The following KCNH2 variants were observed in gnomAD, a reference collection of about 807,000 sequenced individuals.
KCNH2 encodes potassium voltage-gated channel subfamily H member 2, also known as voltage-gated inwardly rectifying potassium channel KCNH2.
KCNH2 carries 35 observed loss-of-function variants against 95.9 expected under a neutral mutation model. The ratio of observed to expected loss-of-function variants is 0.37; its 90% CI spans 0.28 to 0.48. The LOEUF (loss-of-function observed/expected upper bound fraction) is 0.48, where lower values mean the gene tolerates loss of function less well. KCNH2 is among the 20% of genes least tolerant of loss of function. KCNH2 has a pLI of 0.99. For synonymous variants in KCNH2, 786 were observed against 754.7 expected, an observed-to-expected ratio of 1.04 and a Z score of -0.68; for missense variants, 1,274 against 1,702.9, an observed-to-expected ratio of 0.75 and a Z score of 4.43.
rs6948860 is a variant in KCNH2, at chr7:150,947,935, G to A, written c.2693-57C>T. 190,427 of 1,501,454 alleles carry A rather than the reference G, an allele frequency of 0.13. 13,733 individuals carry two copies. The highest frequency in any genetic ancestry group is 0.31 in the African/African-American group (22,088 of 72,176). The allele number at this position is 1,501,454 out of a possible 1,614,324, so 93.0% of individuals were successfully genotyped here. ...GGGAGGAGAACAGAGAGGAGGGGGC[G>A]AGGGTGGAGGAGGGGACAGGAGCGA... On this transcript the variant is annotated intron_variant, in intron 11 of 14. Transcript: ENST00000262186.
intron 8 of KCNH2, among the ~76,000 whole-genome samples, chr7:150,950,716 T>C (rs573441054): frequency 2.6e-5 from 4 of 152,286 alleles, no homozygotes; most frequent in East Asian, 3.9e-4. Flanking sequence ...ATGTGACATA[T>C]ACCTCCCACC....
In KCNH2 at chr7:150,948,481, G is replaced by GCGTTGC; in HGVS notation, c.2649_2654dup (p.Gln884_Arg885dup). On this transcript the variant is annotated inframe_insertion, in exon 11 of 15. Coordinates refer to ENST00000262186, the MANE Select transcript of KCNH2 (RefSeq NM_000238.4). ...GCCTGCGGAAGGACAACTTGCGCTT[G>GCGTTGC]CGTTGCCGACTGAAGCCACCCTCTA... 4.6e-6 allele frequency: 7 copies of GCGTTGC among 1,520,750 alleles called. No individual in the cohort carries two copies. The highest frequency in any genetic ancestry group is 1.4e-5 in the African/African-American group (1 of 70,764). The allele number at this position is 1,520,750 out of a possible 1,614,324, so 94.2% of individuals were successfully genotyped here.
Position 150,951,728 on chromosome 7 carries a change from G to A in KCNH2, c.1665C>T (p.Cys555=), listed in dbSNP as rs1260430590. The A allele has an allele frequency of 6.2e-7, 1 of 1,613,166 alleles. No homozygotes were observed. Among genetic ancestry groups the A allele is most frequent in the Non-Finnish European group, 8.5e-7 (1 of 1,179,118 alleles). Residue 555 remains cysteine, a synonymous_variant, in exon 7 of 15, where the codon TGC becomes TGT. Coordinates refer to ENST00000262186, the MANE Select transcript of KCNH2 (RefSeq NM_000238.4). Reference sequence around the variant, plus strand: ...GCCAGTGCGCGATGAGCGCAAAGGTGCACATGAGCAAGAACAGCACGGCCG... The same window carrying A: ...GCCAGTGCGCGATGAGCGCAAAGGTACACATGAGCAAGAACAGCACGGCCG... The part of the protein sequence containing the change: ...YGAAVLFLLM[C]TFALIAHWLA...
At position 150,977,881 on chromosome 7, in the gene KCNH2, C is replaced by T. The variant is rs1473417269; in HGVS notation, c.33G>A (p.Gln11=). The T allele has an allele frequency of 8.3e-6, 13 of 1,557,316 alleles. No individual in the cohort carries two copies. Among genetic ancestry groups the T allele is most frequent in the Non-Finnish European group, 1.1e-5 (13 of 1,149,638 alleles). The change falls in exon 1 of 15, where the codon CAG becomes CAA. Residue 11 remains glutamine (Q), a synonymous_variant. Transcript: ENST00000262186. MPVRRGHVAP[Q]NTFLDTIIRK... ...GGATGATGGTGTCCAGGAAGGTGTT[C>T]TGCGGCGCGACGTGGCCCCTCCGCA...
At position 150,962,120 on chromosome 7, in the gene KCNH2, A is replaced by G. The variant is rs1006350012; in HGVS notation, c.308-2384T>C. Among the ~76,000 whole-genome samples the G allele has an allele frequency of 2.0e-5, 3 of 152,308 alleles. No homozygotes were observed. In the East Asian group the frequency reaches 5.8e-4, roughly 29 times the overall value. ...ACACAGCAGTGGTGTTGGAAGCTGC[A>G]GGGGGCTGGGCCCAGCTGGAGACCA... On this transcript the variant is annotated intron_variant, in intron 2 of 14. Transcript: ENST00000262186. This position sits in a 1 kb window ranked among gnomAD's most constrained non-coding sequence, Gnocchi z 5.7.
At position 150,947,491 on chromosome 7, in the gene KCNH2, T is replaced by C. The variant is rs1310038652; in HGVS notation, c.2989A>G (p.Ile997Val). 3 of 1,586,682 alleles carry C rather than the reference T, an allele frequency of 1.9e-6. No individual in the cohort carries two copies. The highest frequency in any genetic ancestry group is 1.1e-5 in the South Asian group (1 of 87,332). Reference sequence around the variant, plus strand: ...CGACTGTCCCCCCAGAAGCTGAAAATGTTGGACACTCCTGAGAAGGCGCCT... The same window carrying C: ...CGACTGTCCCCCCAGAAGCTGAAAACGTTGGACACTCCTGAGAAGGCGCCT... ...LSGAFSGVSN[I>V]FSFWGDSRGR... The change falls in exon 13 of 15, where the codon ATT becomes GTT. Residue 997 changes from isoleucine (I) to valine (V), a missense_variant. This residue lies in a region of KCNH2 where 457 missense variants were observed against 416.1 expected (regional missense o/e 1.10). Coordinates refer to ENST00000262186, the MANE Select transcript of KCNH2 (RefSeq NM_000238.4).
In KCNH2 at chr7:150,977,814, CGCTCAGCCCCCT is replaced by C; in HGVS notation, c.76+12_76+23del. The C allele has an allele frequency of 1.4e-6, 2 of 1,409,616 alleles. No homozygotes were observed. Among genetic ancestry groups the C allele is most frequent in the Non-Finnish European group, 2.0e-6 (2 of 1,017,246 alleles). The allele number at this position is 1,409,616 out of a possible 1,614,324, so 87.3% of individuals were successfully genotyped here. A position where few individuals can be genotyped will look rare whatever the true frequency, so the allele number is the denominator to read the frequency against. Reference sequence around the variant, plus strand: ...CGGCCCGCCCCCAGAGCCCCCTCCCCGCTCAGCCCCCTCCCCCACTCACTCTGGCCCTCAAAC... The same window carrying C: ...CGGCCCGCCCCCAGAGCCCCCTCCCCCCCCCACTCACTCTGGCCCTCAAAC... On this transcript the variant is annotated intron_variant, in intron 1 of 14. Transcript: ENST00000262186.
At chr7:150,954,388 C>T (rs1801295045) in intron 5 of KCNH2, among the ~76,000 whole-genome samples, 1 of 152,192 alleles carries the variant, frequency 6.6e-6, no homozygotes. Flanking sequence ...GCGGAGGTGT[C>T]AGGACCACCC....
At chr7:150,951,870 G>C (rs1801187448) in intron 6 of KCNH2, 35 bp from the exon 7 acceptor site, 1 of 1,524,524 alleles carries the variant, frequency 6.6e-7, no homozygotes, top group East Asian at 2.3e-5. Flanking sequence ...TCCGTTGATG[G>C]GGCAAGGGGG....
At chr7:150,958,810 C>G in intron 3 of KCNH2, among the ~76,000 whole-genome samples, 1 of 152,222 alleles carries the variant, frequency 6.6e-6, no homozygotes, top group East Asian at 1.9e-4. Flanking sequence ...ACAAAGGCGT[C>G]ATGTCACTCT....
intron 2 of KCNH2, among the ~76,000 whole-genome samples, chr7:150,970,258 TC>T (rs1180849884): frequency 7.3e-6 from 1 of 136,314 alleles, no homozygotes; most frequent in Admixed American, 8.0e-5. Flanking sequence ...AGGCCCAGTC[TC>T]CCCCCTCACA....
chr7:150,960,485 G>C (rs957026294), intron 2 of KCNH2, among the ~76,000 whole-genome samples: 1 of 152,156 alleles, frequency 6.6e-6, no homozygotes, highest in Non-Finnish European at 1.5e-5. Flanking sequence ...CTGTCTCTCT[G>C]TTCTCTCTAG....
intron 3 of KCNH2, among the ~76,000 whole-genome samples, chr7:150,959,244 G>A (rs1490971609): frequency 6.6e-6 from 1 of 152,142 alleles, no homozygotes; most frequent in African/African-American, 2.4e-5. Context: ...CCCCACCCTG[G>A]GCTGCTCAAG....
At position 150,951,229 on chromosome 7, in the gene KCNH2, A is replaced by G. The variant is rs990955022; in HGVS notation, c.1946-109T>C. 6.5e-6 allele frequency: 7 copies of G among 1,078,686 alleles called. No homozygotes were observed. In the African/African-American group the frequency reaches 9.4e-5, roughly 14 times the overall value. 66.8% of individuals were successfully genotyped at this position (1,078,686 alleles called of 1,614,324 possible). On this transcript the variant is annotated intron_variant, in intron 7 of 14. Coordinates refer to ENST00000262186, the MANE Select transcript of KCNH2 (RefSeq NM_000238.4). ...TCAGTGTCTCAGTCTCAGCGTCGAC[A>G]TGCCCACGAGACGCCCTTGTACATC...
chr7:150,976,533 C>T (rs1801984340), intron 1 of KCNH2, among the ~76,000 whole-genome samples: 2 of 152,184 alleles, frequency 1.3e-5, no homozygotes, highest in Admixed American at 1.3e-4. Context: ...TCCTCTCTCC[C>T]AGGCTGGGGA....
At chr7:150,964,855 C>T (rs995150556) in intron 2 of KCNH2, among the ~76,000 whole-genome samples, 21 of 152,180 alleles carry the variant, frequency 1.4e-4, no homozygotes, top group African/African-American at 4.3e-4. Flanking sequence ...TTATATTTAG[C>T]CTGGTGGCGG....
intron 1 of KCNH2, among the ~76,000 whole-genome samples, chr7:150,976,052 T>G (rs1324019467): frequency 6.6e-6 from 1 of 152,236 alleles, no homozygotes. Context: ...CAGCCTCACT[T>G]GTGCCAGGCA....
chr7:150,958,622 T>A, intron 3 of KCNH2, 120 bp from the exon 4 acceptor site: 1 of 670,252 alleles, frequency 1.5e-6, no homozygotes, highest in Non-Finnish European at 2.3e-6. Context: ...CAACCCCCCA[T>A]CCCCACTTCC....
At chr7:150,956,295 C>A (rs564083655) in intron 5 of KCNH2, among the ~76,000 whole-genome samples, 1 of 152,164 alleles carries the variant, frequency 6.6e-6, no homozygotes, top group Non-Finnish European at 1.5e-5. Flanking sequence ...GGAGTCAAGG[C>A]CAGTGGGCTG....
Sources: gnomAD v4.1 joint callset for allele counts (sites outside exome capture counted in the v4.1 genomes callset) on GRCh38, gnomAD v4.1.1 for gene constraint, gnomAD v4.1.1 regional missense constraint, Gnocchi (gnomAD v3.1) non-coding constraint, MANE v1.5 for transcripts, NCBI Gene and HGNC (gene_info 2026-07-23, HGNC 2026-07-21) for gene names.